The following ANLN variants were observed in gnomAD, a reference collection of about 807,000 sequenced individuals.
ANLN encodes anillin, actin binding protein, also known as anillin.
A neutral mutation model predicts 135.1 loss-of-function variants in ANLN; 59 were observed. The ratio of observed to expected loss-of-function variants is 0.44; its 90% CI spans 0.35 to 0.54. ANLN has a LOEUF of 0.54. Among genes scored for constraint, ANLN ranks in the 20% least tolerant of loss-of-function variants. The probability of loss-of-function intolerance (pLI) is 0.00; values close to 1 mark genes in which losing one functional copy is unlikely to be tolerated. For synonymous variants in ANLN, 406 were observed against 456.4 expected (o/e 0.89, Z 1.41); for missense variants, 1,182 against 1,340.0 (o/e 0.88, Z 1.84).
At chr7:36,395,404 A>G (rs1182521181) in intron 1 of ANLN, among the ~76,000 whole-genome samples, 2 of 152,172 alleles carry the variant, frequency 1.3e-5, no homozygotes, top group African/African-American at 2.4e-5. Context: ...TTCCATGGTC[A>G]TATTTTCCCT....
Position 36,414,437 on chromosome 7 carries a change from G to T in ANLN, c.1396-1321G>T, listed in dbSNP as rs575224996. On this transcript the variant is annotated intron_variant, in intron 7 of 23. Coordinates refer to ENST00000265748, the MANE Select transcript of ANLN (RefSeq NM_018685.5). ...TGATGAGGACAATCTCCTGTGTGAC[G>T]AAAAGGAAGGAGGAAAGTAGCATGT... is the stretch of plus-strand genomic sequence containing the variant. Among the ~76,000 whole-genome samples, 12 of 152,254 alleles carry T rather than the reference G, an allele frequency of 7.9e-5. No homozygotes were observed. In the South Asian group the frequency reaches 2.3e-3, roughly 29 times the overall value.
At chr7:36,445,033 C>T (rs1788932346) in intron 22 of ANLN, among the ~76,000 whole-genome samples, 1 of 151,988 alleles carries the variant, frequency 6.6e-6, no homozygotes, top group Admixed American at 6.6e-5. Context: ...AATTCTCTCT[C>T]CCGCAGAGAT....
intron 21 of ANLN, 44 bp downstream of exon 21, chr7:36,439,334 G>A: frequency 9.2e-7 from 1 of 1,083,834 alleles, no homozygotes. Flanking sequence ...TTTCCATTTT[G>A]TGAAATACAG....
At chr7:36,447,431 T>G (rs924586738) in intron 22 of ANLN, among the ~76,000 whole-genome samples, 4 of 148,670 alleles carry the variant, frequency 2.7e-5, no homozygotes, top group African/African-American at 4.9e-5. Flanking sequence ...TTTTTTTTTT[T>G]TTTTTTTTTC....
rs1787840345 is a variant in ANLN, at chr7:36,420,697, A to G, written c.2116A>G (p.Lys706Glu). 6.2e-7 allele frequency: 1 copy of G among 1,613,950 alleles called. No individual in the cohort carries two copies. Among genetic ancestry groups the G allele is most frequent in the Non-Finnish European group, 8.5e-7 (1 of 1,179,980 alleles). ...AGATGTTACTTCAAAACTGGATGAAAAAAATAATGCCTTTCCTTGTCAAGT... is the reference window on the plus strand; with the variant it reads ...AGATGTTACTTCAAAACTGGATGAAGAAAATAATGCCTTTCCTTGTCAAGT... ...KEDVTSKLDE[K>E]NNAFPCQVNI... The change falls in exon 12 of 24, where the codon AAA becomes GAA. Residue 706 changes from lysine to glutamate, a missense_variant. Physicochemically the swap from Lys to Glu is moderately conservative, Grantham distance 56. Transcript: ENST00000265748.
chr7:36,425,776 G>GAAAT, intron 18 of ANLN, 36 bp downstream of exon 18: 1 of 1,592,262 alleles, frequency 6.3e-7, no homozygotes, highest in East Asian at 2.2e-5. Context: ...GCTTCCTTGA[G>GAAAT]AAATCTTCAT....
At chr7:36,408,963 T>A (rs979764039) in intron 5 of ANLN, among the ~76,000 whole-genome samples, 6 of 152,216 alleles carry the variant, frequency 3.9e-5, no homozygotes, top group African/African-American at 9.7e-5. Flanking sequence ...AAGGTTTAAC[T>A]TTTTGAAAAT....
chr7:36,425,106 T>C (rs1049882890), intron 17 of ANLN, among the ~76,000 whole-genome samples: 17 of 152,188 alleles, frequency 1.1e-4, no homozygotes, highest in Non-Finnish European at 8.8e-5. Context: ...AAGGTTGCTT[T>C]CCAGCCTTCC....
Position 36,453,663 on chromosome 7 carries a change from A to C in ANLN, c.*1063A>C, listed in dbSNP as rs2116853915. 6.5e-6 allele frequency: 1 copy of C among 152,712 alleles called. No individual in the cohort carries two copies. Among genetic ancestry groups the C allele is most frequent in the South Asian group, 2.1e-4 (1 of 4,818 alleles). 9.5% of individuals were successfully genotyped at this position (152,712 alleles called of 1,614,324 possible). On this transcript the variant is annotated 3_prime_UTR_variant, in exon 24 of 24. Coordinates refer to ENST00000265748, the MANE Select transcript of ANLN (RefSeq NM_018685.5). ...AAAGTTCTTTATGACCTCATTTATA[A>C]ACACTAAATTCTGTCACCTCCTGTC...
intron 22 of ANLN, among the ~76,000 whole-genome samples, chr7:36,447,153 T>C (rs1420232329): frequency 1.3e-5 from 2 of 152,228 alleles, no homozygotes; most frequent in African/African-American, 4.8e-5. Flanking sequence ...ACTTTTGCAG[T>C]TGGAGATGTG....
chr7:36,430,076 A>T (rs544868746), intron 20 of ANLN, among the ~76,000 whole-genome samples: 29 of 152,324 alleles, frequency 1.9e-4, no homozygotes, highest in African/African-American at 6.7e-4. Flanking sequence ...CCTGGGTTTG[A>T]TGTAGGAGAA....
chr7:36,400,143 G>C (rs1786879027), intron 3 of ANLN, among the ~76,000 whole-genome samples: 1 of 152,190 alleles, frequency 6.6e-6, no homozygotes, highest in South Asian at 2.1e-4. Context: ...CCTTTTGCTA[G>C]AGGCCTATGC....
chr7:36,410,653 C>T lies in ANLN; in HGVS notation c.1236C>T (p.Phe412=). 3 of 1,614,094 alleles carry T rather than the reference C, an allele frequency of 1.9e-6. No individual in the cohort carries two copies. The highest frequency in any genetic ancestry group is 2.5e-6 in the Non-Finnish European group (3 of 1,179,990). Residue 412 remains phenylalanine (F), a synonymous_variant, in exon 6 of 24, where the codon TTC becomes TTT. Coordinates refer to ENST00000265748, the MANE Select transcript of ANLN (RefSeq NM_018685.5). ...CAAAGGCCATCCAAGAAAGATTATT[C>T]AAGCAAGACACATCTTCATCTACTA... is the stretch of plus-strand genomic sequence containing the variant. ...PNTKAIQERL[F]KQDTSSSTTH... is the part of the protein sequence containing the mutation.
chr7:36,423,913 A>T lies in ANLN; in HGVS notation c.2573A>T (p.Asp858Val). ...LASTSNSLNG[D>V]ALTFTTTFTL... ...AGTACTTCAAACTCTCTTAACGGTG[A>T]TGCTCTGACATTCACTACTACATTT... is the stretch of plus-strand genomic sequence containing the variant. The change falls in exon 15 of 24, where the codon GAT (aspartate) becomes GTT (valine). Residue 858 changes from aspartate (D) to valine (V), a missense_variant. This residue lies in a region of ANLN where 1,022 missense variants were observed against 1,134.0 expected (regional missense o/e 0.90). Coordinates refer to ENST00000265748, the MANE Select transcript of ANLN (RefSeq NM_018685.5). 1 of 1,611,946 alleles carries T rather than the reference A, an allele frequency of 6.2e-7. No homozygotes were observed.
At chr7:36,428,881 C>G (rs1389994473) in intron 20 of ANLN, among the ~76,000 whole-genome samples, 1 of 149,050 alleles carries the variant, frequency 6.7e-6, no homozygotes, top group African/African-American at 2.5e-5. Context: ...TGGGTTCAAG[C>G]GATTCTCCTG....
At chr7:36,446,151 T>C (rs1185415591) in intron 22 of ANLN, among the ~76,000 whole-genome samples, 1 of 152,236 alleles carries the variant, frequency 6.6e-6, no homozygotes, top group African/African-American at 2.4e-5. Flanking sequence ...CACAGACTTT[T>C]CTAATGTTAA....
intron 8 of ANLN, among the ~76,000 whole-genome samples, chr7:36,416,603 T>G (rs1438527382): frequency 1.3e-5 from 2 of 152,212 alleles, no homozygotes; most frequent in East Asian, 3.9e-4. Context: ...AGTAATTTTA[T>G]TGGCACTTTG....
chr7:36,420,078 CTTAATA>C (rs939460638), intron 10 of ANLN, 85 bp from the exon 11 acceptor site: 21 of 1,280,088 alleles, frequency 1.6e-5, no homozygotes, highest in African/African-American at 1.2e-4. Flanking sequence ...GGATTTTTTT[CTTAATA>C]TTAATGGAGA....
intron 1 of ANLN, among the ~76,000 whole-genome samples, chr7:36,395,542 T>C (rs1786657342): frequency 6.6e-6 from 1 of 152,218 alleles, no homozygotes. Context: ...TCTCTTTTGC[T>C]CTGTAAGGCA....
Sources: gnomAD v4.1 joint callset for allele counts (sites outside exome capture counted in the v4.1 genomes callset) on GRCh38, gnomAD v4.1.1 for gene constraint, gnomAD v4.1.1 regional missense constraint, MANE v1.5 for transcripts, NCBI Gene and HGNC (gene_info 2026-07-23, HGNC 2026-07-21) for gene names.